The following EPB41L4B variants were observed in gnomAD, a reference collection of about 807,000 sequenced individuals.
The protein encoded by EPB41L4B is band 4.1-like protein 4B.
A neutral mutation model predicts 112.5 loss-of-function variants in EPB41L4B; 30 were observed. The observed-to-expected ratio is 0.27, with a 90% CI of 0.20 to 0.36. The LOEUF is 0.36. EPB41L4B is among the 10% of genes least tolerant of loss of function. The pLI, the probability that EPB41L4B is intolerant of heterozygous loss-of-function variation, is 1.00. For synonymous variants in EPB41L4B, 408 were observed against 439.7 expected, an observed-to-expected ratio of 0.93 and a Z score of 0.90; for missense variants, 1,024 against 1,133.3, an observed-to-expected ratio of 0.90 and a Z score of 1.38.
intron 19 of EPB41L4B, among the ~76,000 whole-genome samples, chr9:109,201,449 CA>C (rs563680101): frequency 0.015 from 918 of 59,380 alleles, 10 homozygotes; most frequent in African/African-American, 0.042. Context: ...GACCCTGTCT[CA>C]AAAAAAAAAA....
rs1470088019 is a variant in EPB41L4B at position 109,255,854 on chromosome 9, A to G, written c.930-11T>C. On this transcript the variant is annotated splice_polypyrimidine_tract_variant and intron_variant, in intron 9 of 25. Coordinates refer to ENST00000374566, the MANE Select transcript of EPB41L4B (RefSeq NM_019114.5). ...TTGGTAATTTTAGGCCTAGTCAGACAGAAAGCATTTTAAAAGCACAATCTG... is the reference window on the plus strand; with the variant it reads ...TTGGTAATTTTAGGCCTAGTCAGACGGAAAGCATTTTAAAAGCACAATCTG... 1 of 1,610,618 alleles carries G rather than the reference A, an allele frequency of 6.2e-7. No homozygotes were observed.
intron 1 of EPB41L4B, among the ~76,000 whole-genome samples, chr9:109,299,090 G>A (rs1339535536): frequency 6.6e-6 from 1 of 152,310 alleles, no homozygotes; most frequent in Non-Finnish European, 1.5e-5. Context: ...TCTAACGAGC[G>A]AAGTGGGTTA....
rs79472067 is a variant in EPB41L4B, at chr9:109,185,234, C to G, written c.2418+255G>C. Among the ~76,000 whole-genome samples, 45 of 152,356 alleles carry G rather than the reference C, an allele frequency of 3.0e-4. No homozygotes were observed. The East Asian group carries it at 7.7e-3, about 26-fold the overall frequency. On this transcript the variant is annotated intron_variant, in intron 23 of 25. Transcript: ENST00000374566. Reference sequence around the variant, plus strand: ...CTCTGGGGAAAGCATCTATGCTCATCAAAATTCTAGGAAAACAAACTCTTC... The same window carrying G: ...CTCTGGGGAAAGCATCTATGCTCATGAAAATTCTAGGAAAACAAACTCTTC...
rs574279004 is a variant in EPB41L4B at position 109,235,457 on chromosome 9, G to T, written c.1409+8161C>A. Among the ~76,000 whole-genome samples the T allele has an allele frequency of 2.1e-5, 3 of 142,244 alleles. No homozygotes were observed. The South Asian group carries it at 6.9e-4, about 33-fold the overall frequency. 93.3% of individuals were successfully genotyped at this position (142,244 alleles called of 152,430 possible). On this transcript the variant is annotated intron_variant, in intron 15 of 25. Transcript: ENST00000374566. ...GTCACCCAGGCTGGAGTGCAATGGCGTGATCTTGGCTCACTGCAACCTCTG... is the reference window on the plus strand; with the variant it reads ...GTCACCCAGGCTGGAGTGCAATGGCTTGATCTTGGCTCACTGCAACCTCTG...
chr9:109,194,008 G>C (rs1832554717), intron 21 of EPB41L4B, among the ~76,000 whole-genome samples: 1 of 152,150 alleles, frequency 6.6e-6, no homozygotes, highest in Admixed American at 6.5e-5. Flanking sequence ...CAATGAACCT[G>C]ATTTTATATT....
Position 109,320,480 on chromosome 9 carries a change from G to GCGCCGC in EPB41L4B, c.-35_-34insGCGGCG. On this transcript the variant is annotated 5_prime_UTR_variant, in exon 1 of 26. Coordinates refer to ENST00000374566, the MANE Select transcript of EPB41L4B (RefSeq NM_019114.5). ...GGGGCGCCCCCTGCCTCCGCCCCCTGCGCTGCCGCTGCCGCTGCCGCTGCC... is the reference window on the plus strand; with the variant it reads ...GGGGCGCCCCCTGCCTCCGCCCCCTGCGCCGCCGCTGCCGCTGCCGCTGCCGCTGCC... The GCGCCGC allele has an allele frequency of 1.1e-6, 1 of 923,372 alleles. No individual in the cohort carries two copies. The highest frequency in any genetic ancestry group is 1.3e-6 in the Non-Finnish European group (1 of 780,702). 57.2% of individuals were successfully genotyped at this position (923,372 alleles called of 1,614,324 possible).
Position 109,173,937 on chromosome 9 carries a change from T to C in EPB41L4B, c.*617A>G, listed in dbSNP as rs1438678140. Reference sequence around the variant, plus strand: ...ACTTTGGGTTCAATGATAAATTCTGTTTATTCCAAATAATATCATATCCAA... The same window carrying C: ...ACTTTGGGTTCAATGATAAATTCTGCTTATTCCAAATAATATCATATCCAA... On this transcript the variant is annotated 3_prime_UTR_variant, in exon 26 of 26. Transcript: ENST00000374566. 1 of 152,260 alleles carries C rather than the reference T, an allele frequency of 6.6e-6. No homozygotes were observed. The highest frequency in any genetic ancestry group is 1.9e-4 in the East Asian group (1 of 5,202). 9.4% of individuals were successfully genotyped at this position (152,260 alleles called of 1,614,324 possible).
At position 109,276,312 on chromosome 9, in the gene EPB41L4B, G is replaced by T. The variant is rs116489521; in HGVS notation, c.411+3505C>A. 7.1e-3 allele frequency among the ~76,000 whole-genome samples: 1,071 copies of T among 151,722 alleles called. 9 individuals are homozygous for T. The highest frequency in any genetic ancestry group is 0.024 in the African/African-American group (991 of 41,424). On this transcript the variant is annotated intron_variant, in intron 2 of 25. Coordinates refer to ENST00000374566, the MANE Select transcript of EPB41L4B (RefSeq NM_019114.5). The stretch of plus-strand genomic sequence containing the variant: ...CAGGACACGCTTCATGAAGGGTGAG[G>T]GGGGGGTCATCTGAGATGGTCTTGA...
intron 1 of EPB41L4B, chr9:109,300,855 T>C (rs933091484): frequency 1.1e-4 from 17 of 152,116 alleles, no homozygotes; most frequent in African/African-American, 4.1e-4. Context: ...ATGATCACTA[T>C]CCTATATGTG....
At chr9:109,319,258 G>A (rs1482577893) in intron 1 of EPB41L4B, among the ~76,000 whole-genome samples, 1 of 152,212 alleles carries the variant, frequency 6.6e-6, no homozygotes, top group African/African-American at 2.4e-5. Flanking sequence ...CCGCAGCGCC[G>A]GCCCAGCTCT....
Position 109,194,321 on chromosome 9 carries a change from C to A in EPB41L4B, c.2122G>T (p.Ala708Ser). ...AGCGGCACGGAGACTTGTGTGGCGG[C>A]CGTTGTGGTGTTTGTGGTTGTAGAT... ...TTSTTTNTTT[A>S]ATQVSVPLPS... Residue 708 changes from alanine (A) to serine (S), a missense_variant, in exon 21 of 26, where the codon GCC (alanine) becomes TCC (serine). Coordinates refer to ENST00000374566, the MANE Select transcript of EPB41L4B (RefSeq NM_019114.5). The A allele has an allele frequency of 2.5e-6, 4 of 1,614,140 alleles. No individual in the cohort carries two copies. Among genetic ancestry groups the A allele is most frequent in the Non-Finnish European group, 3.4e-6 (4 of 1,180,028 alleles).
chr9:109,276,112 C>T (rs1183436821), intron 2 of EPB41L4B, among the ~76,000 whole-genome samples: 6 of 146,450 alleles, frequency 4.1e-5, no homozygotes, highest in African/African-American at 1.2e-4. Context: ...TATCTATATA[C>T]ACATATATAG....
chr9:109,292,631 G>A (rs181149837), intron 1 of EPB41L4B, among the ~76,000 whole-genome samples: 3 of 152,296 alleles, frequency 2.0e-5, no homozygotes, highest in African/African-American at 7.2e-5. Context: ...GACTTAAAAA[G>A]TACCAGGTAG....
intron 1 of EPB41L4B, among the ~76,000 whole-genome samples, chr9:109,318,642 C>T (rs1219168164): frequency 6.6e-6 from 1 of 152,124 alleles, no homozygotes; most frequent in East Asian, 1.9e-4. Context: ...CCCTCTCCTC[C>T]TCCCCGGCTC....
At chr9:109,317,167 A>AG (rs1206451258) in intron 1 of EPB41L4B, among the ~76,000 whole-genome samples, 2 of 152,192 alleles carry the variant, frequency 1.3e-5, no homozygotes, top group Non-Finnish European at 2.9e-5. Context: ...TCACCAGAGA[A>AG]GGGGGCTCCA....
intron 1 of EPB41L4B, among the ~76,000 whole-genome samples, chr9:109,281,161 A>G (rs1454631413): frequency 6.6e-6 from 1 of 151,322 alleles, no homozygotes; most frequent in Non-Finnish European, 1.5e-5. Context: ...GGACATGGAG[A>G]CATGAAGTGC....
intron 20 of EPB41L4B, among the ~76,000 whole-genome samples, chr9:109,200,035 C>A (rs1197322658): frequency 1.3e-5 from 2 of 152,102 alleles, no homozygotes; most frequent in Admixed American, 1.3e-4. Context: ...ATTTATTACA[C>A]AGTAGTCAAT....
chr9:109,250,086 C>T (rs749691993), intron 13 of EPB41L4B, among the ~76,000 whole-genome samples: 8 of 152,136 alleles, frequency 5.3e-5, no homozygotes, highest in Non-Finnish European at 1.2e-4. Context: ...ATCCGGAGGA[C>T]CTCCACATTT....
intron 15 of EPB41L4B, among the ~76,000 whole-genome samples, chr9:109,236,049 C>A (rs541807257): frequency 6.6e-6 from 1 of 152,214 alleles, no homozygotes; most frequent in Non-Finnish European, 1.5e-5. Flanking sequence ...ACCCTTTAAT[C>A]CTTCTCTCAT....
Sources: gnomAD v4.1 joint callset for allele counts (sites outside exome capture counted in the v4.1 genomes callset) on GRCh38, gnomAD v4.1.1 for gene constraint, MANE v1.5 for transcripts, NCBI Gene and HGNC (gene_info 2026-07-23, HGNC 2026-07-21) for gene names.